Variants in ZFPM2 observed in about 807,000 individuals in gnomAD.
The protein encoded by ZFPM2 is zinc finger protein ZFPM2.
A neutral mutation model predicts 98.6 loss-of-function variants in ZFPM2; 20 were observed. That is an observed-to-expected ratio of 0.20 (90% CI 0.14 to 0.29). ZFPM2 has a LOEUF of 0.29. Among genes scored for constraint, ZFPM2 ranks in the 10% least tolerant of loss-of-function variants. The pLI is 1.00. For missense variants in ZFPM2, 1,310 were observed against 1,388.6 expected (o/e 0.94, Z 0.90); for synonymous variants, 518 against 502.7 (o/e 1.03, Z -0.41).
At chr8:105,450,200 A>G (rs1257328579) in intron 3 of ZFPM2, among the ~76,000 whole-genome samples, 1 of 152,122 alleles carries the variant, frequency 6.6e-6, no homozygotes, top group Admixed American at 6.6e-5. Flanking sequence ...TCTGCTTTGT[A>G]CTTTAAACTA....
At chr8:105,595,747 C>T (rs897892494) in intron 4 of ZFPM2, among the ~76,000 whole-genome samples, 9 of 151,932 alleles carry the variant, frequency 5.9e-5, no homozygotes, top group African/African-American at 1.9e-4. Flanking sequence ...CATTAAATAT[C>T]GTGAATTTTT....
chr8:105,406,822 G>A (rs1162488061), intron 1 of ZFPM2, among the ~76,000 whole-genome samples: 2 of 151,970 alleles, frequency 1.3e-5, no homozygotes, highest in Admixed American at 6.6e-5. Context: ...TAGAGGATAC[G>A]ACTAGGGATA....
chr8:105,508,218 T>C (rs1272469322), intron 3 of ZFPM2, among the ~76,000 whole-genome samples: 1 of 152,142 alleles, frequency 6.6e-6, no homozygotes, highest in East Asian at 1.9e-4. Flanking sequence ...GAGAGGTCCT[T>C]CTGGCAGCTG....
intron 2 of ZFPM2, among the ~76,000 whole-genome samples, chr8:105,428,439 T>C (rs1811956897): frequency 6.6e-6 from 1 of 152,230 alleles, no homozygotes; most frequent in Admixed American, 6.5e-5. Flanking sequence ...GAAAGCATGT[T>C]AGTCTCATTA....
chr8:105,318,868 C>CGGCGGGAGA lies in ZFPM2; in HGVS notation c.-66_-65insAGGCGGGAG. 1 of 983,624 alleles carries CGGCGGGAGA rather than the reference C, an allele frequency of 1.0e-6. No individual in the cohort carries two copies. The highest frequency in any genetic ancestry group is 1.2e-6 in the Non-Finnish European group (1 of 813,218). The allele number at this position is 983,624 out of a possible 1,614,324, so 60.9% of individuals were successfully genotyped here. A position where few individuals can be genotyped will look rare whatever the true frequency, so the allele number is the denominator to read the frequency against. ...CCAGCGGCGGCGGCGGCGGCGGCGG[C>CGGCGGGAGA]GGCGGGAGCCGAGGGAGCGGCAGCC... On this transcript the variant is annotated 5_prime_UTR_variant, in exon 1 of 8. Transcript: ENST00000407775.
chr8:105,715,780 C>G (rs1802085519), intron 5 of ZFPM2, among the ~76,000 whole-genome samples: 1 of 151,970 alleles, frequency 6.6e-6, no homozygotes, highest in South Asian at 2.1e-4. Flanking sequence ...CTCAGAAAAT[C>G]AGCTTCAGAA....
intron 3 of ZFPM2, among the ~76,000 whole-genome samples, chr8:105,520,585 G>A (rs574725599): frequency 6.6e-6 from 1 of 150,470 alleles, no homozygotes; most frequent in South Asian, 2.1e-4. Flanking sequence ...CTTTTCCTCT[G>A]GCAGCATTAA....
chr8:105,657,646 A>G (rs564917829), intron 5 of ZFPM2, among the ~76,000 whole-genome samples: 2 of 152,294 alleles, frequency 1.3e-5, no homozygotes, highest in African/African-American at 4.8e-5. Context: ...TTGGGCACGT[A>G]CTTTATAAGC....
chr8:105,405,542 T>A (rs996161442), intron 1 of ZFPM2, among the ~76,000 whole-genome samples: 20 of 151,736 alleles, frequency 1.3e-4, no homozygotes, highest in Admixed American at 5.3e-4. Flanking sequence ...TGGTTTTTTG[T>A]CCTTGCAATA....
chr8:105,369,300 T>C (rs1419702476), intron 1 of ZFPM2, among the ~76,000 whole-genome samples: 2 of 152,190 alleles, frequency 1.3e-5, no homozygotes, highest in African/African-American at 2.4e-5. Flanking sequence ...AATATTATTA[T>C]GTTTTTATAC....
At chr8:105,700,039 T>A (rs886261080) in intron 5 of ZFPM2, among the ~76,000 whole-genome samples, 1 of 152,202 alleles carries the variant, frequency 6.6e-6, no homozygotes, top group African/African-American at 2.4e-5. Context: ...GGGCTTATAT[T>A]TGATCAACCA....
chr8:105,322,211 T>C (rs1416007755), intron 1 of ZFPM2, among the ~76,000 whole-genome samples: 1 of 152,142 alleles, frequency 6.6e-6, no homozygotes, highest in African/African-American at 2.4e-5. Context: ...AATATGCCAA[T>C]AAATTGCCCA....
At chr8:105,737,176 C>A (rs1020210885) in intron 5 of ZFPM2, 11 of 152,050 alleles carry the variant, frequency 7.2e-5, no homozygotes, top group African/African-American at 2.4e-4. Context: ...GAGAAGATTT[C>A]CTCTCAAATT....
chr8:105,446,321 G>T (rs750061690), intron 3 of ZFPM2, among the ~76,000 whole-genome samples: 6 of 152,072 alleles, frequency 3.9e-5, no homozygotes, highest in Non-Finnish European at 8.8e-5. Context: ...CTTGCGAAAA[G>T]GTACATTCTG....
intron 3 of ZFPM2, among the ~76,000 whole-genome samples, chr8:105,511,377 C>A (rs1297899347): frequency 6.6e-6 from 1 of 152,200 alleles, no homozygotes; most frequent in African/African-American, 2.4e-5. Flanking sequence ...TGCATTTTAG[C>A]AGGTTTCAAA....
chr8:105,670,495 C>CAAAAAAA (rs1160128174), intron 5 of ZFPM2, among the ~76,000 whole-genome samples: 3 of 49,266 alleles, frequency 6.1e-5, no homozygotes, highest in Non-Finnish European at 1.1e-4. Context: ...GAGTCCATCT[C>CAAAAAAA]AAAAAAAAAA....
intron 5 of ZFPM2, among the ~76,000 whole-genome samples, chr8:105,655,042 T>C (rs1048295718): frequency 2.0e-5 from 3 of 152,096 alleles, no homozygotes; most frequent in African/African-American, 7.2e-5. Flanking sequence ...CTTATTTACA[T>C]AGTAATGATA....
chr8:105,779,753 T>C (rs1039394823), intron 5 of ZFPM2, among the ~76,000 whole-genome samples: 3 of 152,190 alleles, frequency 2.0e-5, no homozygotes, highest in Non-Finnish European at 4.4e-5. Context: ...AATTAGAGTT[T>C]ATCAGCAGAG....
intron 4 of ZFPM2, among the ~76,000 whole-genome samples, chr8:105,580,838 T>TATAA (rs1279926002): frequency 2.7e-5 from 4 of 147,968 alleles, no homozygotes; most frequent in African/African-American, 9.8e-5. Flanking sequence ...TATATATATA[T>TATAA]ATATATAAAT....
Sources: gnomAD v4.1 joint callset for allele counts (sites outside exome capture counted in the v4.1 genomes callset) on GRCh38, gnomAD v4.1.1 for gene constraint, MANE v1.5 for transcripts, NCBI Gene and HGNC (gene_info 2026-07-23, HGNC 2026-07-21) for gene names.